The following PYHIN1 variants were observed in gnomAD, a reference collection of about 807,000 sequenced individuals.
PYHIN1 encodes the protein pyrin and HIN domain family member 1, also known as pyrin and HIN domain-containing protein 1.
PYHIN1 carries 32 observed loss-of-function variants against 43.7 expected under a neutral mutation model. That is an observed-to-expected ratio of 0.73 (90% CI 0.55 to 0.98). The LOEUF (loss-of-function observed/expected upper bound fraction) is 0.98, where lower values mean the gene tolerates loss of function less well. Ranked by LOEUF, PYHIN1 falls within the 50% of genes least tolerant of loss-of-function variation. The probability of loss-of-function intolerance (pLI) is 0.00; values close to 1 mark genes in which losing one functional copy is unlikely to be tolerated. For missense variants in PYHIN1, 588 were observed against 589.5 expected, an observed-to-expected ratio of 1.00 and a Z score of 0.03; for synonymous variants, 205 against 203.1, an observed-to-expected ratio of 1.01 and a Z score of -0.08.
intron 7 of PYHIN1, among the ~76,000 whole-genome samples, chr1:158,946,395 A>G (rs1332798567): frequency 6.6e-6 from 1 of 152,222 alleles, no homozygotes; most frequent in Admixed American, 6.5e-5. Context: ...AAAATGTTAA[A>G]AAACATTTAC....
Position 158,943,937 on chromosome 1 carries a change from AAT to A in PYHIN1, c.1153_1154del (p.Met385ValfsTer9). The A allele has an allele frequency of 6.2e-7, 1 of 1,607,886 alleles. No homozygotes were observed. Among genetic ancestry groups the A allele is most frequent in the South Asian group, 1.1e-5 (1 of 90,262 alleles). On this transcript the variant is annotated frameshift_variant, in exon 6 of 9. Transcript: ENST00000368140. LOFTEE classifies it high-confidence loss of function. ...CTGCTTTCGACTGAGAAAGAGGGAAAATATGTCAAAACTGATGTCAGAAATGC... is the reference window on the plus strand; with the variant it reads ...CTGCTTTCGACTGAGAAAGAGGGAAAATGTCAAAACTGATGTCAGAAATGC... ...LFCFRLRKRE[N>X]MSKLMSEMHS...
intron 7 of PYHIN1, among the ~76,000 whole-genome samples, chr1:158,953,732 C>T (rs901647561): frequency 6.6e-5 from 10 of 152,114 alleles, no homozygotes; most frequent in South Asian, 2.1e-4. Flanking sequence ...TCACCAGCAA[C>T]GGAACAAAGC....
chr1:158,973,375 C>A (rs1349704957), intron 7 of PYHIN1, among the ~76,000 whole-genome samples: 2 of 151,962 alleles, frequency 1.3e-5, no homozygotes, highest in East Asian at 3.9e-4. Context: ...CTAATCATTT[C>A]CAGCTCAGAT....
intron 7 of PYHIN1, 107 bp from the exon 8 acceptor site, chr1:158,973,524 CACACACACACACATAT>C (rs1651059109): frequency 5.5e-6 from 5 of 912,548 alleles, no homozygotes; most frequent in Middle Eastern, 2.4e-4. Context: ...CACACACACA[CACACACACACACATAT>C]ACACACATGT....
intron 7 of PYHIN1, among the ~76,000 whole-genome samples, chr1:158,952,760 C>T (rs1649634304): frequency 6.6e-6 from 1 of 152,044 alleles, no homozygotes; most frequent in South Asian, 2.1e-4. Context: ...GCCAAGATGG[C>T]CGAACAGGAA....
intron 3 of PYHIN1, 57 bp downstream of exon 3, chr1:158,938,599 CT>C: frequency 6.4e-7 from 1 of 1,564,874 alleles, no homozygotes; most frequent in Non-Finnish European, 8.7e-7. Flanking sequence ...TCTGCTGTGG[CT>C]GTTCCACTCA....
At chr1:158,938,651 CAA>C in intron 3 of PYHIN1, 109 bp downstream of exon 3, 1 of 1,138,562 alleles carries the variant, frequency 8.8e-7, no homozygotes, top group Non-Finnish European at 1.2e-6. Flanking sequence ...TGTTTCCCAT[CAA>C]GTTTCAGATT....
intron 7 of PYHIN1, among the ~76,000 whole-genome samples, chr1:158,956,972 AGAGCCAAATCAT>A (rs1405426409): frequency 2.6e-4 from 36 of 139,908 alleles, no homozygotes; most frequent in Non-Finnish European, 4.3e-4. Context: ...AGACAAACAG[AGAGCCAAATCAT>A]GAGTGAACTC....
intron 7 of PYHIN1, among the ~76,000 whole-genome samples, chr1:158,946,285 T>C (rs1243177712): frequency 6.6e-6 from 1 of 152,132 alleles, no homozygotes; most frequent in Admixed American, 6.6e-5. Context: ...CTAGAAGTGG[T>C]AGAACTATGG....
In PYHIN1 at chr1:158,972,019, C is replaced by T. The variant is rs542880012; in HGVS notation, c.1360-1628C>T. On this transcript the variant is annotated intron_variant, in intron 7 of 8. Transcript: ENST00000368140. ...AACCAGATAGATGATGATATAGATA[C>T]GTATAGATATAGAGGCAGATACATA... 2.6e-5 allele frequency among the ~76,000 whole-genome samples: 4 copies of T among 151,984 alleles called. No homozygotes were observed. In the South Asian group the frequency reaches 6.3e-4, roughly 24 times the overall value.
At chr1:158,967,506 T>C (rs1017619626) in intron 7 of PYHIN1, among the ~76,000 whole-genome samples, 3 of 152,048 alleles carry the variant, frequency 2.0e-5, no homozygotes, top group African/African-American at 4.8e-5. Context: ...TTATTAAAAA[T>C]GGCCAGATTT....
intron 5 of PYHIN1, among the ~76,000 whole-genome samples, chr1:158,943,444 G>C (rs1649044457): frequency 6.6e-6 from 1 of 152,132 alleles, no homozygotes; most frequent in Admixed American, 6.5e-5. Flanking sequence ...CATTCTTTTT[G>C]CATAGGGGCA....
chr1:158,942,366 A>T lies in PYHIN1; in HGVS notation c.969A>T (p.Gly323=). The T allele has an allele frequency of 3.1e-6, 5 of 1,607,846 alleles. No homozygotes were observed. Among genetic ancestry groups the T allele is most frequent in the Non-Finnish European group, 4.2e-6 (5 of 1,178,110 alleles). ...ATATTCTTCACAAACAAACTTCAGG[A>T]TATATTGTATATGGATTATTTATGC... The part of the protein sequence containing the change: ...KINILHKQTS[G]YIVYGLFMLH... The change falls in exon 5 of 9, where the codon GGA becomes GGT. Residue 323 remains glycine (G), a synonymous_variant. Coordinates refer to ENST00000368140, the MANE Select transcript of PYHIN1 (RefSeq NM_152501.5).
At chr1:158,947,526 C>G (rs1649288823) in intron 7 of PYHIN1, among the ~76,000 whole-genome samples, 1 of 152,162 alleles carries the variant, frequency 6.6e-6, no homozygotes. Context: ...AGCCTAAATC[C>G]CTTCCTAGGA....
At chr1:158,934,208 A>C (rs1369260492) in intron 1 of PYHIN1, among the ~76,000 whole-genome samples, 1 of 152,224 alleles carries the variant, frequency 6.6e-6, no homozygotes, top group Non-Finnish European at 1.5e-5. Context: ...CTACAAAAGC[A>C]AAAGCACTAA....
chr1:158,982,603 G>A, the PYHIN1 span, among the ~76,000 whole-genome samples: 4 of 152,152 alleles, frequency 2.6e-5, no homozygotes, highest in Admixed American at 2.6e-4. Flanking sequence ...TTTCTGCATA[G>A]GATTATTTTG....
the PYHIN1 span, among the ~76,000 whole-genome samples, chr1:158,983,070 A>G: frequency 6.6e-6 from 1 of 152,138 alleles, no homozygotes; most frequent in Non-Finnish European, 1.5e-5. Context: ...TGGGTATAGA[A>G]TCATATTACC....
At chr1:158,955,551 C>G (rs1371685878) in intron 7 of PYHIN1, among the ~76,000 whole-genome samples, 3 of 150,350 alleles carry the variant, frequency 2.0e-5, no homozygotes, top group Non-Finnish European at 4.4e-5. Context: ...TCTTTGAAAC[C>G]AACGAGAACA....
At chr1:158,965,488 G>A (rs1437269566) in intron 7 of PYHIN1, among the ~76,000 whole-genome samples, 4 of 152,056 alleles carry the variant, frequency 2.6e-5, no homozygotes, top group African/African-American at 4.8e-5. Context: ...TCGACCACAC[G>A]ATCAGATATA....
Sources: allele counts gnomAD v4.1 joint callset (sites outside exome capture counted in the v4.1 genomes callset), GRCh38; gene constraint gnomAD v4.1.1; transcripts MANE v1.5; gene names NCBI Gene and HGNC (gene_info 2026-07-23, HGNC 2026-07-21).